RABGAP1L: variants seen among roughly 807,000 people sequenced by gnomAD.
The protein encoded by RABGAP1L is rab GTPase-activating protein 1-like.
In RABGAP1L, 63 loss-of-function variants were observed where a neutral mutation model predicts 137.7. The observed-to-expected ratio is 0.46, with a 90% CI of 0.37 to 0.56. RABGAP1L has a LOEUF of 0.56. RABGAP1L is among the 20% of genes least tolerant of loss of function. The pLI, the probability that RABGAP1L is intolerant of heterozygous loss-of-function variation, is 0.00. For synonymous variants in RABGAP1L, 431 were observed against 433.7 expected (o/e 0.99, Z 0.08); for missense variants, 1,095 against 1,244.0 (o/e 0.88, Z 1.80).
intron 13 of RABGAP1L, among the ~76,000 whole-genome samples, chr1:174,575,725 G>C (rs1668321436): frequency 1.3e-5 from 2 of 152,138 alleles, no homozygotes; most frequent in African/African-American, 4.8e-5. Flanking sequence ...TGTGGGATCT[G>C]GCCAGCAGCC....
intron 13 of RABGAP1L, among the ~76,000 whole-genome samples, chr1:174,586,471 G>C (rs570754070): frequency 5.3e-4 from 80 of 152,010 alleles, no homozygotes; most frequent in African/African-American, 1.9e-3. Context: ...GTTGTTAAGT[G>C]CAGCAAACCA....
intron 13 of RABGAP1L, among the ~76,000 whole-genome samples, chr1:174,578,982 G>GA (rs941540387): frequency 6.6e-6 from 1 of 151,954 alleles, no homozygotes; most frequent in Non-Finnish European, 1.5e-5. Context: ...CTATTGAATG[G>GA]AAAAAATACA....
intron 18 of RABGAP1L, chr1:174,757,094 T>C (rs1684826457): frequency 2.0e-6 from 1 of 500,770 alleles, no homozygotes; most frequent in Non-Finnish European, 4.1e-6. Context: ...TGCCACAAAG[T>C]CTCGGTGCTT....
At chr1:174,590,210 G>A (rs1389533995) in intron 13 of RABGAP1L, among the ~76,000 whole-genome samples, 1 of 128,734 alleles carries the variant, frequency 7.8e-6, no homozygotes, top group South Asian at 2.5e-4. Flanking sequence ...TTCCTTTACA[G>A]CAATTTAAAA....
At chr1:174,877,579 G>A in intron 19 of RABGAP1L, 1 of 1,613,692 alleles carries the variant, frequency 6.2e-7, no homozygotes, top group Non-Finnish European at 8.5e-7. Flanking sequence ...CACTAGTCTG[G>A]TGGCCATCAG....
intron 13 of RABGAP1L, among the ~76,000 whole-genome samples, chr1:174,421,150 A>G (rs904161765): frequency 2.0e-5 from 3 of 152,208 alleles, no homozygotes. Context: ...ATCTTCTGCT[A>G]CTATCACAAA....
At chr1:174,168,645 A>T (rs1665106809) in intron 1 of RABGAP1L, among the ~76,000 whole-genome samples, 1 of 152,184 alleles carries the variant, frequency 6.6e-6, no homozygotes, top group Non-Finnish European at 1.5e-5. Flanking sequence ...TCTTCTCTCC[A>T]TTCCTTTTTT....
At chr1:174,192,692 C>T (rs902156716) in intron 1 of RABGAP1L, among the ~76,000 whole-genome samples, 2 of 152,094 alleles carry the variant, frequency 1.3e-5, no homozygotes, top group Non-Finnish European at 2.9e-5. Context: ...AGCTTCATTA[C>T]TGGTAAAGGT....
intron 18 of RABGAP1L, among the ~76,000 whole-genome samples, chr1:174,756,030 T>G (rs1293506798): frequency 6.6e-6 from 1 of 152,176 alleles, no homozygotes; most frequent in African/African-American, 2.4e-5. Context: ...CTCATAAGAT[T>G]GTTGTCAGAG....
rs199697980 is a variant in RABGAP1L at position 174,973,382 on chromosome 1, TTC to T, written c.2545-2694_2545-2693del. ...CCCTTTTCTTTTCTTTTTCTTTCAT[TTC>T]TTTTTTTTTTTTTTTTCTTTGAGAC... On this transcript the variant is annotated intron_variant, in intron 21 of 25. Transcript: ENST00000681986. 9.2e-4 allele frequency among the ~76,000 whole-genome samples: 132 copies of T among 143,266 alleles called. 3 individuals carry two copies. The highest frequency in any genetic ancestry group is 4.3e-3 in the Admixed American group (60 of 14,108). The allele number at this position is 143,266 out of a possible 152,430, so 94.0% of individuals were successfully genotyped here.
At position 174,252,561 on chromosome 1, in the gene RABGAP1L, A is replaced by G. The variant is rs1295079138; in HGVS notation, c.957A>G (p.Gln319=). The G allele has an allele frequency of 1.9e-6, 3 of 1,609,376 alleles. No homozygotes were observed. The highest frequency in any genetic ancestry group is 2.5e-6 in the Non-Finnish European group (3 of 1,178,720). The change falls in exon 7 of 26, where the codon CAA becomes CAG. Residue 319 remains glutamine (Q), a synonymous_variant. Transcript: ENST00000681986. ...AGAAGGTTGTGATTACAGTGCAGCA[A>G]CTTTCTAACAAAGAATTAGCTATTG... ...IEKKVVITVQ[Q]LSNKELAIER... is the part of the protein sequence containing the mutation.
intron 7 of RABGAP1L, among the ~76,000 whole-genome samples, chr1:174,253,211 G>A (rs907579216): frequency 6.6e-6 from 1 of 152,152 alleles, no homozygotes; most frequent in Non-Finnish European, 1.5e-5. Flanking sequence ...CTACTGGATG[G>A]CTAAGAAACA....
At chr1:174,610,945 C>G (rs1359790248) in intron 13 of RABGAP1L, among the ~76,000 whole-genome samples, 3 of 151,570 alleles carry the variant, frequency 2.0e-5, no homozygotes, top group Non-Finnish European at 4.4e-5. Context: ...ATTGTAGATT[C>G]TGGATATTAG....
chr1:174,174,802 C>T (rs897982120), intron 1 of RABGAP1L, among the ~76,000 whole-genome samples: 3 of 152,126 alleles, frequency 2.0e-5, no homozygotes, highest in Non-Finnish European at 4.4e-5. Context: ...TTTATCTTAT[C>T]CCCCAGCAGA....
intron 14 of RABGAP1L, among the ~76,000 whole-genome samples, chr1:174,679,094 G>T (rs1173041386): frequency 6.6e-6 from 1 of 152,212 alleles, no homozygotes. Context: ...AAATGCCTGG[G>T]TTTATATCCC....
intron 17 of RABGAP1L, among the ~76,000 whole-genome samples, chr1:174,751,513 G>C (rs574969623): frequency 1.2e-4 from 19 of 152,252 alleles, no homozygotes; most frequent in African/African-American, 4.1e-4. Flanking sequence ...ATGATGACTT[G>C]CATGGCAAGG....
intron 18 of RABGAP1L, among the ~76,000 whole-genome samples, chr1:174,770,854 T>C (rs1264179849): frequency 1.3e-5 from 2 of 152,206 alleles, no homozygotes; most frequent in African/African-American, 4.8e-5. Flanking sequence ...TCAACAGATA[T>C]TCACTATTGA....
intron 10 of RABGAP1L, among the ~76,000 whole-genome samples, chr1:174,294,204 A>C (rs1367085186): frequency 6.6e-6 from 1 of 152,202 alleles, no homozygotes; most frequent in Non-Finnish European, 1.5e-5. Context: ...TGTTAGTATT[A>C]TTAATTGACT....
chr1:174,639,004 T>A (rs1367375811), intron 14 of RABGAP1L, among the ~76,000 whole-genome samples: 2 of 148,362 alleles, frequency 1.3e-5, no homozygotes, highest in Non-Finnish European at 3.0e-5. Context: ...ACCTGCACAA[T>A]GTGCACATGT....
Sources: gnomAD v4.1 joint callset for allele counts (sites outside exome capture counted in the v4.1 genomes callset) on GRCh38, gnomAD v4.1.1 for gene constraint, MANE v1.5 for transcripts, NCBI Gene and HGNC (gene_info 2026-07-23, HGNC 2026-07-21) for gene names.